HMCN1: variants seen among roughly 807,000 people sequenced by gnomAD.
HMCN1 encodes the protein hemicentin-1.
Under a neutral mutation model 625.9 loss-of-function variants are expected in HMCN1, and 321 were observed. That is an observed-to-expected ratio of 0.51 (90% confidence interval 0.47 to 0.56). HMCN1 has a LOEUF of 0.56. Ranked by LOEUF, HMCN1 falls within the 20% of genes least tolerant of loss-of-function variation. HMCN1 has a pLI of 0.00. For missense variants in HMCN1, 6,588 were observed against 6,887.3 expected (o/e 0.96, Z 1.54); for synonymous variants, 2,425 against 2,417.6 (o/e 1.00, Z -0.09).
chr1:186,110,998 T>TTTTTTTTTTTTTTTTTTTTTC (rs1428925478), intron 71 of HMCN1, among the ~76,000 whole-genome samples: 1 of 134,750 alleles, frequency 7.4e-6, no homozygotes, highest in African/African-American at 2.8e-5. Flanking sequence ...TTTTTTTTTT[T>TTTTTTTTTTTTTTTTTTTTTC]GAGACGGAGT....
chr1:186,018,897 GTCTCAC>G (rs1158329991), intron 34 of HMCN1, among the ~76,000 whole-genome samples: 1 of 152,048 alleles, frequency 6.6e-6, no homozygotes, highest in African/African-American at 2.4e-5. Flanking sequence ...GGTATTATGT[GTCTCAC>G]TTGCTGGCAG....
chr1:185,740,331 T>C (rs1225700613), intron 1 of HMCN1, among the ~76,000 whole-genome samples: 1 of 152,176 alleles, frequency 6.6e-6, no homozygotes, highest in Admixed American at 6.5e-5. Flanking sequence ...ACATGGTATA[T>C]CTTGCATGAA....
At chr1:186,172,188 A>C in intron 102 of HMCN1, 57 bp downstream of exon 102, 1 of 1,603,394 alleles carries the variant, frequency 6.2e-7, no homozygotes, top group Non-Finnish European at 8.5e-7. Context: ...AAGTCAAGTA[A>C]GGCATTCATT....
At chr1:185,757,228 C>T (rs1655190742) in intron 1 of HMCN1, among the ~76,000 whole-genome samples, 1 of 152,182 alleles carries the variant, frequency 6.6e-6, no homozygotes, top group African/African-American at 2.4e-5. Context: ...CCACCTCGGC[C>T]TCCCAAAGTG....
chr1:185,837,478 A>T (rs1661239117), intron 1 of HMCN1, among the ~76,000 whole-genome samples: 1 of 151,812 alleles, frequency 6.6e-6, no homozygotes, highest in Non-Finnish European at 1.5e-5. Context: ...TTCAGATATC[A>T]TAGGTTTTAA....
chr1:186,080,900 G>T (rs1451599171), intron 55 of HMCN1, among the ~76,000 whole-genome samples: 4 of 152,122 alleles, frequency 2.6e-5, no homozygotes, highest in Non-Finnish European at 1.5e-5. Flanking sequence ...AAGGTATAGT[G>T]GGAGGGGCTG....
intron 97 of HMCN1, among the ~76,000 whole-genome samples, chr1:186,155,532 G>C (rs1440944718): frequency 5.3e-5 from 8 of 152,116 alleles, no homozygotes; most frequent in Non-Finnish European, 7.4e-5. Flanking sequence ...CTACCATCTG[G>C]AACTAGATGA....
At chr1:185,849,620 G>C (rs1662038696) in intron 2 of HMCN1, among the ~76,000 whole-genome samples, 1 of 152,170 alleles carries the variant, frequency 6.6e-6, no homozygotes, top group Non-Finnish European at 1.5e-5. Context: ...ATTCGGATCT[G>C]CACATAGTAA....
At chr1:185,828,702 G>C (rs1054937634) in intron 1 of HMCN1, among the ~76,000 whole-genome samples, 1 of 151,938 alleles carries the variant, frequency 6.6e-6, no homozygotes, top group Non-Finnish European at 1.5e-5. Flanking sequence ...AATAAAACTA[G>C]AAATTAATAA....
intron 1 of HMCN1, among the ~76,000 whole-genome samples, chr1:185,831,692 A>G (rs1288245548): frequency 2.0e-5 from 3 of 152,216 alleles, no homozygotes; most frequent in African/African-American, 7.2e-5. Context: ...AATAGCTTTT[A>G]TATATACAAA....
chr1:185,802,223 A>G (rs934847761), intron 1 of HMCN1, among the ~76,000 whole-genome samples: 1 of 152,192 alleles, frequency 6.6e-6, no homozygotes, highest in Non-Finnish European at 1.5e-5. Flanking sequence ...GGATGAACAT[A>G]GGTACTTTTC....
chr1:185,904,457 G>T (rs941014274), intron 4 of HMCN1, among the ~76,000 whole-genome samples: 1 of 151,796 alleles, frequency 6.6e-6, no homozygotes, highest in African/African-American at 2.4e-5. Context: ...TGCCAAAATA[G>T]TGATAAAAAT....
intron 15 of HMCN1, 81 bp from the exon 16 acceptor site, chr1:185,977,706 G>A (rs1301849826): frequency 3.4e-6 from 3 of 889,106 alleles, no homozygotes; most frequent in East Asian, 4.9e-5. Flanking sequence ...TCAATGATTT[G>A]ACAGTTTAAT....
intron 4 of HMCN1, among the ~76,000 whole-genome samples, chr1:185,883,879 A>ATTTTTTT (rs1205211897): frequency 1.3e-4 from 7 of 55,934 alleles, no homozygotes; most frequent in East Asian, 7.4e-4. Context: ...ATAGGTCATG[A>ATTTTTTT]TTTTTTTTTT....
At chr1:185,992,560 GT>G (rs2102034617) in intron 22 of HMCN1, among the ~76,000 whole-genome samples, 1 of 152,104 alleles carries the variant, frequency 6.6e-6, no homozygotes, top group South Asian at 2.1e-4. Context: ...CATATTACAT[GT>G]TGAGTTTTCA....
At chr1:186,185,471 A>G (rs1171937098) in intron 105 of HMCN1, among the ~76,000 whole-genome samples, 1 of 152,222 alleles carries the variant, frequency 6.6e-6, no homozygotes, top group Non-Finnish European at 1.5e-5. Context: ...AGTAGGCAAG[A>G]CTTCACTGAA....
chr1:185,886,052 A>G (rs920414773), intron 4 of HMCN1, among the ~76,000 whole-genome samples: 1 of 152,124 alleles, frequency 6.6e-6, no homozygotes, highest in Non-Finnish European at 1.5e-5. Flanking sequence ...TATTCTGTCT[A>G]AAGACAGATA....
At chr1:186,185,044 C>T (rs1653194129) in intron 105 of HMCN1, among the ~76,000 whole-genome samples, 2 of 152,074 alleles carry the variant, frequency 1.3e-5, no homozygotes, top group South Asian at 2.1e-4. Flanking sequence ...GGGCCACCTG[C>T]CCAGCACCTC....
At position 185,922,479 on chromosome 1, in the gene HMCN1, C is replaced by T; in HGVS notation, c.1001C>T (p.Thr334Ile). ...SRKPTLDFKKTVSRPVQGIPT... is the reference protein window; with the variant it reads ...SRKPTLDFKKIVSRPVQGIPT... ...AAGCCCACCCTGGACTTCAAAAAAACAGTCAGCAGACCAGTGCAAGGTTTG... is the reference window on the plus strand; with the variant it reads ...AAGCCCACCCTGGACTTCAAAAAAATAGTCAGCAGACCAGTGCAAGGTTTG... The change falls in exon 7 of 107, where the codon ACA (threonine) becomes ATA (isoleucine). Residue 334 changes from threonine to isoleucine, a missense_variant. Around this residue, in one of 3 missense-constraint regions of HMCN1, gnomAD observed 4,628 missense variants for 4,853.1 expected, o/e 0.95. Transcript: ENST00000271588. 1.2e-6 allele frequency: 2 copies of T among 1,613,200 alleles called. No individual in the cohort carries two copies. Among genetic ancestry groups the T allele is most frequent in the Non-Finnish European group, 1.7e-6 (2 of 1,179,438 alleles).
Sources: allele counts gnomAD v4.1 joint callset (sites outside exome capture counted in the v4.1 genomes callset), GRCh38; gene constraint gnomAD v4.1.1; regional missense constraint gnomAD v4.1.1; transcripts MANE v1.5; gene names NCBI Gene and HGNC (gene_info 2026-07-23, HGNC 2026-07-21).